TIMP3: variants seen among roughly 807,000 people sequenced by gnomAD.
The protein encoded by TIMP3 is TIMP metallopeptidase inhibitor 3, also known as metalloproteinase inhibitor 3.
A neutral mutation model predicts 30.0 loss-of-function variants in TIMP3; 11 were observed. That is an observed-to-expected ratio of 0.37 (90% CI 0.23 to 0.61). The LOEUF is 0.61. Among genes scored for constraint, TIMP3 ranks in the 20% least tolerant of loss-of-function variants. The pLI is 0.70. For missense variants in TIMP3, 181 were observed against 276.8 expected (o/e 0.65, Z 2.45); for synonymous variants, 112 against 111.3 (o/e 1.01, Z -0.04).
intron 1 of TIMP3, among the ~76,000 whole-genome samples, chr22:32,819,712 C>T (rs935981881): frequency 6.6e-6 from 1 of 152,168 alleles, no homozygotes; most frequent in African/African-American, 2.4e-5. Flanking sequence ...CCGCGTCTCC[C>T]AGCATATCTT....
At chr22:32,843,247 G>C (rs778539978) in intron 1 of TIMP3, among the ~76,000 whole-genome samples, 10 of 152,226 alleles carry the variant, frequency 6.6e-5, no homozygotes, top group Admixed American at 2.0e-4. Flanking sequence ...GCACCTAAGA[G>C]GCATTCGATA....
At chr22:32,809,451 T>A (rs1185588531) in intron 1 of TIMP3, among the ~76,000 whole-genome samples, 1 of 152,102 alleles carries the variant, frequency 6.6e-6, no homozygotes, top group Non-Finnish European at 1.5e-5. Context: ...AGTTCTGGGA[T>A]CCTAACATAA....
intron 1 of TIMP3, among the ~76,000 whole-genome samples, chr22:32,829,967 G>A (rs1183131687): frequency 6.6e-6 from 1 of 152,156 alleles, no homozygotes; most frequent in Non-Finnish European, 1.5e-5. Flanking sequence ...TCTCTGCATT[G>A]CTCTGGGGTG....
intron 2 of TIMP3, among the ~76,000 whole-genome samples, chr22:32,855,296 C>T (rs979165874): frequency 1.3e-5 from 2 of 152,194 alleles, no homozygotes; most frequent in Admixed American, 6.5e-5. Flanking sequence ...GCGGACTCAG[C>T]TTCTGTTACA....
rs115462858 is a variant in TIMP3, at chr22:32,850,867, C to T, written c.204+1333C>T. On this transcript the variant is annotated intron_variant, in intron 2 of 4. Transcript: ENST00000266085. ...CAGGTAGAAGGGAGTGGAGGAGTGA[C>T]GCAGCCCACGGTGGTACCCAACCAT... Among the ~76,000 whole-genome samples the T allele has an allele frequency of 4.3e-3, 655 of 152,282 alleles. 1 individual carries two copies. Among genetic ancestry groups the T allele is most frequent in the African/African-American group, 0.015 (618 of 41,554 alleles).
chr22:32,855,147 C>T (rs180740756), intron 2 of TIMP3, among the ~76,000 whole-genome samples: 2 of 152,318 alleles, frequency 1.3e-5, no homozygotes, highest in East Asian at 1.9e-4. Context: ...GGCTTGTGTA[C>T]GCTGAGAACT....
At chr22:32,802,803 A>G in intron 1 of TIMP3, among the ~76,000 whole-genome samples, 1 of 152,212 alleles carries the variant, frequency 6.6e-6, no homozygotes, top group Non-Finnish European at 1.5e-5. Flanking sequence ...CTCACCACAT[A>G]GCTGTGAAAA....
intron 1 of TIMP3, among the ~76,000 whole-genome samples, chr22:32,817,767 A>G (rs2146037021): frequency 6.6e-6 from 1 of 152,326 alleles, no homozygotes; most frequent in East Asian, 1.9e-4. Flanking sequence ...TGATTGAAGG[A>G]CATTGTGGTG....
intron 1 of TIMP3, among the ~76,000 whole-genome samples, chr22:32,817,830 G>A (rs991389920): frequency 1.3e-5 from 2 of 152,168 alleles, no homozygotes; most frequent in Non-Finnish European, 2.9e-5. Flanking sequence ...GGCACCCTGC[G>A]AGCAGGTAAT....
chr22:32,805,723 C>T (rs2046715532), intron 1 of TIMP3, among the ~76,000 whole-genome samples: 1 of 151,472 alleles, frequency 6.6e-6, no homozygotes, highest in Admixed American at 6.6e-5. Context: ...CCAAGGCCAC[C>T]CAGTTGCTAA....
chr22:32,820,353 CGTGTGTGT>C (rs35230068), intron 1 of TIMP3, among the ~76,000 whole-genome samples: 3 of 141,694 alleles, frequency 2.1e-5, no homozygotes, highest in Admixed American at 7.1e-5. Context: ...CATTCCACTG[CGTGTGTGT>C]GTGTGTGTGT....
chr22:32,829,466 G>A (rs1440302348), intron 1 of TIMP3, among the ~76,000 whole-genome samples: 1 of 152,194 alleles, frequency 6.6e-6, no homozygotes, highest in Non-Finnish European at 1.5e-5. Flanking sequence ...GCACCCACAT[G>A]TAGGCTCACT....
chr22:32,824,782 C>G (rs2047353135), intron 1 of TIMP3, among the ~76,000 whole-genome samples: 1 of 152,152 alleles, frequency 6.6e-6, no homozygotes, highest in Non-Finnish European at 1.5e-5. Context: ...AGGCAGATGT[C>G]TTTGATACTG....
intron 1 of TIMP3, among the ~76,000 whole-genome samples, chr22:32,828,523 T>A (rs130295): frequency 0.86 from 130,848 of 152,214 alleles, 56,285 homozygotes; most frequent in East Asian, 0.89. Context: ...CTCTTCTAGA[T>A]GAGCCTTCTA....
In TIMP3 at chr22:32,822,643, A is replaced by G. The variant is rs185554897; in HGVS notation, c.121+20521A>G. ...TGTCTATTGCAAATAGACTGCTTAG[A>G]TTATGGTGCGTTCATACAGTGAAGA... On this transcript the variant is annotated intron_variant, in intron 1 of 4. Coordinates refer to ENST00000266085, the MANE Select transcript of TIMP3 (RefSeq NM_000362.5). Among the ~76,000 whole-genome samples the G allele has an allele frequency of 2.0e-4, 30 of 152,320 alleles. No homozygotes were observed. In the East Asian group the frequency reaches 4.8e-3, roughly 24 times the overall value.
chr22:32,844,481 C>T (rs1422921616), intron 1 of TIMP3, among the ~76,000 whole-genome samples: 2 of 152,164 alleles, frequency 1.3e-5, no homozygotes, highest in African/African-American at 4.8e-5. Flanking sequence ...CTCTTACTAG[C>T]ACTCTTGCCC....
intron 3 of TIMP3, 32 bp from the exon 4 acceptor site, chr22:32,857,985 A>G: frequency 6.2e-7 from 1 of 1,613,496 alleles, no homozygotes; most frequent in Non-Finnish European, 8.5e-7. Flanking sequence ...GGACAAAACA[A>G]CCTCTCCTTG....
chr22:32,838,998 T>C (rs113259867), intron 1 of TIMP3, among the ~76,000 whole-genome samples: 17 of 151,584 alleles, frequency 1.1e-4, no homozygotes, highest in African/African-American at 3.9e-4. Flanking sequence ...TAGCTTGGCC[T>C]GGGGTGGACA....
chr22:32,815,330 G>A (rs943105902), intron 1 of TIMP3, among the ~76,000 whole-genome samples: 5 of 152,222 alleles, frequency 3.3e-5, no homozygotes, highest in Non-Finnish European at 5.9e-5. Context: ...TCTGATCCAG[G>A]TCTCTCACTT....
Sources: gnomAD v4.1 joint callset for allele counts (sites outside exome capture counted in the v4.1 genomes callset) on GRCh38, gnomAD v4.1.1 for gene constraint, MANE v1.5 for transcripts, NCBI Gene and HGNC (gene_info 2026-07-23, HGNC 2026-07-21) for gene names.